LRRC8D: variants seen among roughly 807,000 people sequenced by gnomAD.
LRRC8D encodes leucine rich repeat containing 8 VRAC subunit D.
LRRC8D carries 20 observed loss-of-function variants against 55.8 expected under a neutral mutation model. That is an observed-to-expected ratio of 0.36 (90% CI 0.25 to 0.52). LRRC8D has a LOEUF of 0.52. LRRC8D is among the 20% of genes least tolerant of loss of function. The pLI, the probability that LRRC8D is intolerant of heterozygous loss-of-function variation, is 0.93. For synonymous variants in LRRC8D, 352 were observed against 377.0 expected (o/e 0.93, Z 0.77); for missense variants, 651 against 1,030.8 (o/e 0.63, Z 5.05).
intron 1 of LRRC8D, among the ~76,000 whole-genome samples, chr1:89,832,873 G>C (rs1053132722): frequency 6.6e-6 from 1 of 152,226 alleles, no homozygotes; most frequent in Admixed American, 6.5e-5. Flanking sequence ...ACTTCACCAT[G>C]TGCCAGGCAC....
intron 2 of LRRC8D, among the ~76,000 whole-genome samples, chr1:89,905,552 A>G (rs2100925098): frequency 6.6e-6 from 1 of 152,362 alleles, no homozygotes; most frequent in African/African-American, 2.4e-5. Flanking sequence ...CACACCAGTT[A>G]GAAAGATAAA....
At chr1:89,923,807 C>T (rs958130694) in intron 2 of LRRC8D, among the ~76,000 whole-genome samples, 3 of 152,034 alleles carry the variant, frequency 2.0e-5, no homozygotes, top group Non-Finnish European at 4.4e-5. Flanking sequence ...GTGACAAAGT[C>T]GACAGTAACA....
At chr1:89,836,166 A>G (rs909036892) in intron 1 of LRRC8D, among the ~76,000 whole-genome samples, 11 of 152,148 alleles carry the variant, frequency 7.2e-5, no homozygotes, top group Non-Finnish European at 1.5e-4. Flanking sequence ...CCCAGCCTGA[A>G]TATAGGTCAT....
chr1:89,875,552 A>G (rs150180523), intron 2 of LRRC8D, among the ~76,000 whole-genome samples: 86 of 152,320 alleles, frequency 5.6e-4, no homozygotes, highest in African/African-American at 1.9e-3. Context: ...AGATAAAGAG[A>G]TAGGGCAATG....
chr1:89,823,901 G>A (rs1385347167), intron 1 of LRRC8D, among the ~76,000 whole-genome samples: 4 of 152,204 alleles, frequency 2.6e-5, no homozygotes, highest in Non-Finnish European at 4.4e-5. Flanking sequence ...GGTCAGGGAT[G>A]TGGAACAGAA....
intron 2 of LRRC8D, among the ~76,000 whole-genome samples, chr1:89,905,933 G>A (rs1662978223): frequency 6.6e-6 from 1 of 152,150 alleles, no homozygotes; most frequent in Non-Finnish European, 1.5e-5. Context: ...CCTGCAGTAG[G>A]GTCTTCAAAG....
chr1:89,908,325 T>C (rs1189228345), intron 2 of LRRC8D, among the ~76,000 whole-genome samples: 3 of 152,248 alleles, frequency 2.0e-5, no homozygotes, highest in African/African-American at 7.2e-5. Flanking sequence ...GGTGGTCTCA[T>C]TGTCATTTCA....
intron 2 of LRRC8D, among the ~76,000 whole-genome samples, chr1:89,891,360 G>A (rs973953557): frequency 2.0e-5 from 3 of 152,198 alleles, no homozygotes; most frequent in African/African-American, 2.4e-5. Flanking sequence ...AGATGCACGT[G>A]ATGCTGATAT....
intron 2 of LRRC8D, among the ~76,000 whole-genome samples, chr1:89,877,369 A>T (rs1045188081): frequency 2.0e-5 from 3 of 152,246 alleles, no homozygotes; most frequent in African/African-American, 7.2e-5. Context: ...CAAGGATAAT[A>T]ACAGTACCTT....
intron 2 of LRRC8D, among the ~76,000 whole-genome samples, chr1:89,905,722 T>C (rs1420128639): frequency 6.6e-6 from 1 of 152,158 alleles, no homozygotes; most frequent in African/African-American, 2.4e-5. Flanking sequence ...TAATGGAAGC[T>C]GGTACCCTGC....
intron 2 of LRRC8D, among the ~76,000 whole-genome samples, chr1:89,875,619 C>A (rs1480592987): frequency 6.6e-6 from 1 of 152,142 alleles, no homozygotes; most frequent in African/African-American, 2.4e-5. Context: ...AGTGTAACTT[C>A]CACCTCTTTT....
At chr1:89,927,257 A>G (rs1040465077) in intron 2 of LRRC8D, among the ~76,000 whole-genome samples, 2 of 152,276 alleles carry the variant, frequency 1.3e-5, no homozygotes, top group African/African-American at 2.4e-5. Context: ...GTCACAGCAC[A>G]TTCCTAGGAC....
At chr1:89,896,485 G>T (rs1471092921) in intron 2 of LRRC8D, among the ~76,000 whole-genome samples, 1 of 152,160 alleles carries the variant, frequency 6.6e-6, no homozygotes, top group Non-Finnish European at 1.5e-5. Flanking sequence ...GCTAAGAGTA[G>T]CTGAGAAATA....
rs765538578 is a variant in LRRC8D at position 89,934,777 on chromosome 1, A to G, written c.1709A>G (p.Asn570Ser). ...CTTCGAGAGTTGTACTTAATAGGCA[A>G]TTTGAACTCTGAAAACAATAAGATG... The part of the protein sequence containing the change: ...KNLRELYLIG[N>S]LNSENNKMIG... Residue 570 changes from asparagine (N) to serine (S), a missense_variant, in exon 3 of 3, where the codon AAT (asparagine) becomes AGT (serine). Coordinates refer to ENST00000337338, the MANE Select transcript of LRRC8D (RefSeq NM_001134479.2). This position sits in a 1 kb window ranked among gnomAD's most constrained non-coding sequence, Gnocchi z 5.9. 27 of 1,614,036 alleles carry G rather than the reference A, an allele frequency of 1.7e-5. No individual in the cohort carries two copies. The highest frequency in any genetic ancestry group is 4.0e-5 in the African/African-American group (3 of 74,912).
rs374246537 is a variant in LRRC8D, at chr1:89,934,884, A to G, written c.1816A>G (p.Ile606Val). Residue 606 changes from isoleucine to valine, a missense_variant, in exon 3 of 3, where the codon ATT (isoleucine) becomes GTT (valine). Transcript: ENST00000337338. This position sits in a 1 kb window ranked among gnomAD's most constrained non-coding sequence, Gnocchi z 5.9. ...KSNLTKVPSNITDVAPHLTKL... is the reference protein window; with the variant it reads ...KSNLTKVPSNVTDVAPHLTKL... ...CAATTTGACCAAAGTTCCCTCCAAC[A>G]TTACAGATGTGGCTCCACATCTTAC... 3.6e-5 allele frequency: 58 copies of G among 1,614,166 alleles called. No individual in the cohort carries two copies. The African/African-American group carries it at 6.4e-4, about 18-fold the overall frequency.
chr1:89,881,782 G>A (rs1056813682), intron 2 of LRRC8D, among the ~76,000 whole-genome samples: 1 of 152,190 alleles, frequency 6.6e-6, no homozygotes, highest in East Asian at 1.9e-4. Flanking sequence ...TTCATTTTTA[G>A]CTTCTGTTTT....
At chr1:89,917,855 A>G (rs1055795470) in intron 2 of LRRC8D, among the ~76,000 whole-genome samples, 4 of 152,168 alleles carry the variant, frequency 2.6e-5, no homozygotes, top group Non-Finnish European at 5.9e-5. Flanking sequence ...CTTTCACTGC[A>G]TGGCAAATCT....
At chr1:89,844,675 G>A (rs961809051) in intron 2 of LRRC8D, among the ~76,000 whole-genome samples, 4 of 152,146 alleles carry the variant, frequency 2.6e-5, no homozygotes, top group African/African-American at 7.2e-5. Flanking sequence ...AAACACTAGG[G>A]TTGGTTTTAT....
chr1:89,822,096 G>C (rs1040226160), intron 1 of LRRC8D: 1 of 152,626 alleles, frequency 6.6e-6, no homozygotes, highest in Non-Finnish European at 1.5e-5. Flanking sequence ...CTTTACTAGG[G>C]GGTATCCCTT....
Sources: gnomAD v4.1 joint callset for allele counts (sites outside exome capture counted in the v4.1 genomes callset) on GRCh38, gnomAD v4.1.1 for gene constraint, Gnocchi (gnomAD v3.1) non-coding constraint, MANE v1.5 for transcripts, NCBI Gene and HGNC (gene_info 2026-07-23, HGNC 2026-07-21) for gene names.